Variants in IL10RB observed in about 807,000 individuals in gnomAD.
IL10RB encodes interleukin-10 receptor subunit beta.
In IL10RB, 30 loss-of-function variants were observed where a neutral mutation model predicts 38.7. The observed-to-expected ratio is 0.78, with a 90% CI of 0.58 to 1.05. IL10RB has a LOEUF of 1.05. Among genes scored for constraint, IL10RB ranks in the 50% least tolerant of loss-of-function variants. The pLI, the probability that IL10RB is intolerant of heterozygous loss-of-function variation, is 0.00. For missense variants in IL10RB, 328 were observed against 397.1 expected (o/e 0.83, Z 1.48); for synonymous variants, 142 against 145.9 (o/e 0.97, Z 0.19).
Position 33,279,840 on chromosome 21 carries a change from C to G in IL10RB, c.420C>G (p.Tyr140Ter), listed in dbSNP as rs765588235. The change falls in exon 4 of 7, where the codon TAC becomes TAG. Residue 140 changes from tyrosine to a stop codon, truncating the protein, a stop_gained. Transcript: ENST00000290200. LOFTEE classifies it high-confidence loss of function. ...RFLAPKIENEYETWTMKNVYN... is the reference protein window; with the variant it reads ...RFLAPKIENE ...TAGCCCCTAAAATTGAGAATGAATACGAAACTTGGACTATGAAGAATGTGT... is the reference window on the plus strand; with the variant it reads ...TAGCCCCTAAAATTGAGAATGAATAGGAAACTTGGACTATGAAGAATGTGT... The G allele has an allele frequency of 6.2e-7, 1 of 1,612,910 alleles. No individual in the cohort carries two copies. Among genetic ancestry groups the G allele is most frequent in the East Asian group, 2.2e-5 (1 of 44,868 alleles).
intron 6 of IL10RB, among the ~76,000 whole-genome samples, chr21:33,290,997 G>A (rs1188882691): frequency 6.6e-6 from 1 of 152,186 alleles, no homozygotes; most frequent in Non-Finnish European, 1.5e-5. Context: ...ATCTGTCCCA[G>A]GCCTCTACCC....
At chr21:33,281,019 C>T (rs550987640) in intron 4 of IL10RB, among the ~76,000 whole-genome samples, 1 of 152,168 alleles carries the variant, frequency 6.6e-6, no homozygotes, top group Non-Finnish European at 1.5e-5. Flanking sequence ...AGTCCAAGAT[C>T]AAGGCACCAG....
Position 33,266,376 on chromosome 21 carries a change from G to T in IL10RB, c.-90G>T. On this transcript the variant is annotated 5_prime_UTR_variant, in exon 1 of 7. Transcript: ENST00000290200. ...CCACCCCGCCCCGCCCATCTCCGCT[G>T]GTTCCCGGAAGCCGCCGCGGACAAG... 1 of 1,451,126 alleles carries T rather than the reference G, an allele frequency of 6.9e-7. No individual in the cohort carries two copies. The highest frequency in any genetic ancestry group is 1.2e-5 in the South Asian group (1 of 81,338). The allele number at this position is 1,451,126 out of a possible 1,614,324, so 89.9% of individuals were successfully genotyped here.
rs1420757176 is a variant in IL10RB, at chr21:33,287,227, GAACAAATGGT to G, written c.647-874_647-865del. ...AAGGCCTCGCATCAGGGGCTGGGAA[GAACAAATGGT>G]AAGTTCCTTAGGCAGCCTTGGGTTT... On this transcript the variant is annotated intron_variant, in intron 5 of 6. Transcript: ENST00000290200. 2.0e-5 allele frequency among the ~76,000 whole-genome samples: 3 copies of G among 152,358 alleles called. No individual in the cohort carries two copies. The South Asian group carries it at 6.2e-4, about 32-fold the overall frequency.
At chr21:33,301,247 A>G (rs1395484159), downstream of IL10RB, among the ~76,000 whole-genome samples, 1 of 152,156 alleles carries the variant, frequency 6.6e-6, no homozygotes, top group South Asian at 2.1e-4. Flanking sequence ...GAGACTCAAC[A>G]TGATTTTTCT....
At chr21:33,266,570 C>T in intron 1 of IL10RB, 56 bp downstream of exon 1, 1 of 1,506,440 alleles carries the variant, frequency 6.6e-7, no homozygotes, top group Non-Finnish European at 8.9e-7. Flanking sequence ...CCGCGAGATG[C>T]CGCCCCTGAT....
chr21:33,272,330 C>G (rs531500417), intron 2 of IL10RB, among the ~76,000 whole-genome samples: 1 of 152,138 alleles, frequency 6.6e-6, no homozygotes, highest in Non-Finnish European at 1.5e-5. Flanking sequence ...TTTTTATCAC[C>G]ATCACTTTCA....
intron 2 of IL10RB, among the ~76,000 whole-genome samples, chr21:33,271,772 CT>C (rs1276411215): frequency 2.0e-5 from 3 of 151,568 alleles, no homozygotes; most frequent in Non-Finnish European, 4.4e-5. Context: ...TGCAAAACAA[CT>C]TTTGAAATAC....
chr21:33,272,253 G>A (rs572171570), intron 2 of IL10RB, among the ~76,000 whole-genome samples: 1 of 152,146 alleles, frequency 6.6e-6, no homozygotes, highest in South Asian at 2.1e-4. Flanking sequence ...TCTGAGTTCA[G>A]TTGGGCAGAT....
rs537799387 is a variant in IL10RB at position 33,285,009 on chromosome 21, G to A, written c.646+1768G>A. Among the ~76,000 whole-genome samples, 4 of 152,282 alleles carry A rather than the reference G, an allele frequency of 2.6e-5. No homozygotes were observed. In the East Asian group the frequency reaches 7.7e-4, roughly 29 times the overall value. Reference sequence around the variant, plus strand: ...GGGTTCAAGCAATTCTACTGCCTCAGCCTCCTGAATAGCTGGGATTACAGT... The same window carrying A: ...GGGTTCAAGCAATTCTACTGCCTCAACCTCCTGAATAGCTGGGATTACAGT... On this transcript the variant is annotated intron_variant, in intron 5 of 6. Coordinates refer to ENST00000290200, the MANE Select transcript of IL10RB (RefSeq NM_000628.5).
rs569172953 is a variant in IL10RB at position 33,289,384 on chromosome 21, C to A, written c.804+1123C>A. ...GAGTGGAATGCACTCCAGCCCCCAC[C>A]GCTGCTGCTGGTGTCGGGACCACAA... On this transcript the variant is annotated intron_variant, in intron 6 of 6. Coordinates refer to ENST00000290200, the MANE Select transcript of IL10RB (RefSeq NM_000628.5). Among the ~76,000 whole-genome samples, 135 of 152,278 alleles carry A rather than the reference C, an allele frequency of 8.9e-4. 1 individual carries two copies. Among genetic ancestry groups the A allele is most frequent in the African/African-American group, 3.2e-3 (133 of 41,556 alleles).
At chr21:33,266,729 A>G (rs1041166101) in intron 1 of IL10RB, among the ~76,000 whole-genome samples, 1 of 152,182 alleles carries the variant, frequency 6.6e-6, no homozygotes. Flanking sequence ...CGCCCGGATT[A>G]CAGACCGTCT....
intron 1 of IL10RB, chr21:33,308,838 A>G (rs2083005073): frequency 6.6e-6 from 1 of 152,212 alleles, no homozygotes; most frequent in African/African-American, 2.4e-5. Flanking sequence ...CTGTATTTTC[A>G]TCTATGTTAT....
intron 2 of IL10RB, among the ~76,000 whole-genome samples, chr21:33,276,117 A>G (rs1051993274): frequency 2.0e-5 from 3 of 152,256 alleles, no homozygotes; most frequent in Non-Finnish European, 4.4e-5. Context: ...TGTGAAGTAC[A>G]GTAAAGCAAA....
chr21:33,268,715 G>A (rs533433669), intron 2 of IL10RB, among the ~76,000 whole-genome samples, 198 bp downstream of exon 2: 1 of 151,482 alleles, frequency 6.6e-6, no homozygotes, highest in Non-Finnish European at 1.5e-5. Context: ...TTTTCTAGTT[G>A]TGATGGTTGA....
chr21:33,269,434 G>A (rs546401870), intron 2 of IL10RB, among the ~76,000 whole-genome samples: 4 of 152,346 alleles, frequency 2.6e-5, no homozygotes, highest in Admixed American at 1.3e-4. Context: ...GAGGCAGGAG[G>A]AAATTTCTTC....
At position 33,296,182 on chromosome 21, in the gene IL10RB, A is replaced by T. The variant is rs750054227; in HGVS notation, c.805-2A>T. 6.2e-7 allele frequency: 1 copy of T among 1,612,660 alleles called. No homozygotes were observed. The highest frequency in any genetic ancestry group is 2.2e-5 in the East Asian group (1 of 44,884). On this transcript the variant is annotated splice_acceptor_variant, in intron 6 of 6. Transcript: ENST00000290200. LOFTEE classifies it high-confidence loss of function. ...CATTAACTGTCCTCTTTCCCTCCAC[A>T]GTTTTTGGGCCATCCTCATCATAAC...
At position 33,279,927 on chromosome 21, in the gene IL10RB, G is replaced by A. The variant is rs1268481066; in HGVS notation, c.498+9G>A. On this transcript the variant is annotated intron_variant, in intron 4 of 6. Transcript: ENST00000290200. ...ACGGTACTGATGAAAAGGTAAGGTT[G>A]GCTAATTGCATTTCAGAGGTAGTAG... 2 of 1,612,020 alleles carry A rather than the reference G, an allele frequency of 1.2e-6. No individual in the cohort carries two copies. The highest frequency in any genetic ancestry group is 1.7e-6 in the Non-Finnish European group (2 of 1,178,372).
At chr21:33,284,305 A>G (rs1989334790) in intron 5 of IL10RB, among the ~76,000 whole-genome samples, 1 of 150,234 alleles carries the variant, frequency 6.7e-6, no homozygotes, top group African/African-American at 2.4e-5. Flanking sequence ...TCAAAAAAAA[A>G]AAAAAAAGAA....
Sources: gnomAD v4.1 joint callset for allele counts (sites outside exome capture counted in the v4.1 genomes callset) on GRCh38, gnomAD v4.1.1 for gene constraint, MANE v1.5 for transcripts, NCBI Gene and HGNC (gene_info 2026-07-23, HGNC 2026-07-21) for gene names.